GPHN: variants seen among roughly 807,000 people sequenced by gnomAD.
GPHN encodes gephyrin.
In GPHN, 17 loss-of-function variants were observed where a neutral mutation model predicts 95.5. The ratio of observed to expected loss-of-function variants is 0.18; its 90% CI spans 0.12 to 0.27. The LOEUF (loss-of-function observed/expected upper bound fraction) is 0.27, where lower values mean the gene tolerates loss of function less well. Among genes scored for constraint, GPHN ranks in the 10% least tolerant of loss-of-function variants. GPHN has a pLI of 1.00. For missense variants in GPHN, 660 were observed against 978.1 expected (o/e 0.67, Z 4.34); for synonymous variants, 320 against 322.5 (o/e 0.99, Z 0.08).
chr14:67,423,143 C>G, the GPHN span, among the ~76,000 whole-genome samples: 1 of 151,888 alleles, frequency 6.6e-6, no homozygotes, highest in African/African-American at 2.4e-5. Context: ...CGGTTTTCCC[C>G]CTTTCTGCCC....
At chr14:66,553,007 T>TTTTTTTTTG (rs1566591596) in intron 1 of GPHN, among the ~76,000 whole-genome samples, 3 of 151,878 alleles carry the variant, frequency 2.0e-5, no homozygotes, top group African/African-American at 7.3e-5. Flanking sequence ...TTTCTTTTTT[T>TTTTTTTTTG]AGACAAGAGT....
At chr14:66,760,317 A>C (rs2058713414) in intron 2 of GPHN, among the ~76,000 whole-genome samples, 1 of 152,202 alleles carries the variant, frequency 6.6e-6, no homozygotes, top group South Asian at 2.1e-4. Context: ...GAGTCTTTAT[A>C]ATCTTTAGAG....
intron 10 of GPHN, among the ~76,000 whole-genome samples, chr14:67,050,968 C>T (rs959678761): frequency 6.6e-6 from 1 of 152,220 alleles, no homozygotes; most frequent in African/African-American, 2.4e-5. Flanking sequence ...TCTGTGCAAC[C>T]CACAGATCAG....
intron 3 of GPHN, among the ~76,000 whole-genome samples, chr14:66,782,193 T>G (rs1003052914): frequency 1.7e-4 from 26 of 152,228 alleles, no homozygotes; most frequent in Non-Finnish European, 1.8e-4. Flanking sequence ...TTTTGCCTCA[T>G]GTATCTCATA....
At chr14:67,560,774 A>C in the GPHN span, among the ~76,000 whole-genome samples, 23 of 126,940 alleles carry the variant, frequency 1.8e-4, no homozygotes, top group Non-Finnish European at 3.0e-4. Context: ...CTTGTTTCCC[A>C]GGCTGGAGTG....
At chr14:67,382,910 T>TGCGTGC in the GPHN span, among the ~76,000 whole-genome samples, 5 of 147,246 alleles carry the variant, frequency 3.4e-5, no homozygotes, top group African/African-American at 9.8e-5. Context: ...CGTGCGTGCG[T>TGCGTGC]GTGTGTGTGT....
the GPHN span, among the ~76,000 whole-genome samples, chr14:67,520,290 T>C: frequency 1.1e-4 from 17 of 152,228 alleles, no homozygotes; most frequent in African/African-American, 4.1e-4. Context: ...TTTAGTATCA[T>C]ATGGAATATT....
chr14:66,899,859 T>C (rs1010472753), intron 5 of GPHN, among the ~76,000 whole-genome samples: 4 of 151,898 alleles, frequency 2.6e-5, no homozygotes, highest in African/African-American at 4.8e-5. Context: ...TCTTTAAACA[T>C]TTCAGAGAAT....
At chr14:67,341,677 G>C in the GPHN span, among the ~76,000 whole-genome samples, 26 of 152,346 alleles carry the variant, frequency 1.7e-4, no homozygotes, top group African/African-American at 5.8e-4. Flanking sequence ...ACCCCGTCTG[G>C]GAGGTGTACC....
chr14:67,692,837 A>G, the GPHN span: 1 of 1,025,856 alleles, frequency 9.7e-7, no homozygotes, highest in Non-Finnish European at 1.5e-6. Context: ...GGTGTTCTTG[A>G]ATTCCAAAAC....
In GPHN at chr14:67,179,685, C is replaced by G; in HGVS notation, c.2176+11C>G. The stretch of plus-strand genomic sequence containing the variant: ...GGGCACAGAGTACAGGTTAGTCATT[C>G]ACATCTACAGATATTCCTAGACACC... On this transcript the variant is annotated intron_variant, in intron 22 of 22. Coordinates refer to ENST00000478722, the MANE Select transcript of GPHN (RefSeq NM_020806.5). 7.4e-7 allele frequency: 1 copy of G among 1,352,176 alleles called. No homozygotes were observed. The highest frequency in any genetic ancestry group is 1.1e-6 in the Non-Finnish European group (1 of 940,484). 83.8% of individuals were successfully genotyped at this position (1,352,176 alleles called of 1,614,324 possible). A position where few individuals can be genotyped will look rare whatever the true frequency, so the allele number is the denominator to read the frequency against.
At chr14:66,710,467 T>C (rs2069512603) in intron 2 of GPHN, among the ~76,000 whole-genome samples, 1 of 152,228 alleles carries the variant, frequency 6.6e-6, no homozygotes, top group South Asian at 2.1e-4. Flanking sequence ...TTCACATACA[T>C]GTGAATATGA....
intron 10 of GPHN, among the ~76,000 whole-genome samples, chr14:67,030,066 C>G (rs1173573912): frequency 6.6e-6 from 1 of 150,460 alleles, no homozygotes; most frequent in Non-Finnish European, 1.5e-5. Context: ...CATTCACACT[C>G]TATATTATGC....
chr14:66,881,559 A>G (rs1477637880), intron 5 of GPHN, among the ~76,000 whole-genome samples: 2 of 151,912 alleles, frequency 1.3e-5, no homozygotes, highest in African/African-American at 4.8e-5. Context: ...AAGGTTAGAA[A>G]GAAAAATAAG....
At chr14:66,706,741 A>G (rs2069110325) in intron 2 of GPHN, among the ~76,000 whole-genome samples, 1 of 152,236 alleles carries the variant, frequency 6.6e-6, no homozygotes, top group Admixed American at 6.5e-5. Context: ...ACCATTCAGG[A>G]CACAGGCATG....
chr14:67,100,552 T>C (rs1348802400), intron 12 of GPHN, among the ~76,000 whole-genome samples: 1 of 152,130 alleles, frequency 6.6e-6, no homozygotes, highest in African/African-American at 2.4e-5. Flanking sequence ...GAATAACTTA[T>C]TAGAAAAGCA....
chr14:67,600,250 C>G, the GPHN span: 2 of 1,471,242 alleles, frequency 1.4e-6, no homozygotes. Flanking sequence ...GCACTGCGCT[C>G]GCCGGCCCTG....
chr14:67,571,988 C>G, the GPHN span: 4 of 1,509,768 alleles, frequency 2.6e-6, no homozygotes, highest in African/African-American at 4.1e-5. Flanking sequence ...GGCGTCCCCA[C>G]TTGATCTGAG....
intron 2 of GPHN, among the ~76,000 whole-genome samples, chr14:66,682,524 G>C (rs2066998784): frequency 2.0e-5 from 3 of 152,118 alleles, no homozygotes; most frequent in Admixed American, 2.0e-4. Context: ...GGCTGAGGTG[G>C]GTAGATCACA....
Sources: gnomAD v4.1 joint callset for allele counts (sites outside exome capture counted in the v4.1 genomes callset) on GRCh38, gnomAD v4.1.1 for gene constraint, MANE v1.5 for transcripts, NCBI Gene and HGNC (gene_info 2026-07-23, HGNC 2026-07-21) for gene names.